ALDH9A1: variants seen among roughly 807,000 people sequenced by gnomAD.
The protein encoded by ALDH9A1 is aldehyde dehydrogenase 9 family member A1.
Under a neutral mutation model 56.6 loss-of-function variants are expected in ALDH9A1, and 42 were observed. That is an observed-to-expected ratio of 0.74 (90% confidence interval 0.58 to 0.96). The LOEUF (loss-of-function observed/expected upper bound fraction) is 0.96, where lower values mean the gene tolerates loss of function less well. ALDH9A1 is among the 40% of genes least tolerant of loss of function. ALDH9A1 has a pLI of 0.00. For synonymous variants in ALDH9A1, 242 were observed against 236.0 expected (o/e 1.03, Z -0.23); for missense variants, 661 against 651.5 (o/e 1.01, Z -0.16).
chr1:165,670,587 A>G (rs1248232727), intron 6 of ALDH9A1, among the ~76,000 whole-genome samples: 4 of 152,204 alleles, frequency 2.6e-5, no homozygotes, highest in African/African-American at 7.2e-5. Context: ...CAAATACCTT[A>G]AACTAAGCCA....
intron 4 of ALDH9A1, among the ~76,000 whole-genome samples, chr1:165,681,076 C>T (rs1428933777): frequency 6.6e-6 from 1 of 152,180 alleles, no homozygotes; most frequent in Non-Finnish European, 1.5e-5. Flanking sequence ...GACCAGCCCC[C>T]ATGATTCAAT....
chr1:165,684,950 C>T (rs1649661093), intron 2 of ALDH9A1, among the ~76,000 whole-genome samples: 1 of 151,716 alleles, frequency 6.6e-6, no homozygotes, highest in Admixed American at 6.6e-5. Context: ...AATTAGATGG[C>T]CTTGGGAAAT....
At chr1:165,684,029 A>G (rs1159999395) in intron 2 of ALDH9A1, among the ~76,000 whole-genome samples, 1 of 152,250 alleles carries the variant, frequency 6.6e-6, no homozygotes, top group Non-Finnish European at 1.5e-5. Context: ...GGCTGGCCAG[A>G]AGCAAAATGG....
chr1:165,667,929 C>G (rs1649057545), intron 8 of ALDH9A1, among the ~76,000 whole-genome samples: 2 of 152,046 alleles, frequency 1.3e-5, no homozygotes, highest in Non-Finnish European at 2.9e-5. Flanking sequence ...ACAAAACTAT[C>G]AACATTTTTG....
intron 6 of ALDH9A1, chr1:165,671,600 G>C: frequency 2.1e-6 from 1 of 469,994 alleles, no homozygotes; most frequent in South Asian, 1.6e-5. Flanking sequence ...GAGAAAGGAT[G>C]AGGATGCTAA....
At chr1:165,694,059 C>CT (rs1439538995) in intron 2 of ALDH9A1, among the ~76,000 whole-genome samples, 79 of 29,552 alleles carry the variant, frequency 2.7e-3, no homozygotes, top group African/African-American at 0.011. Context: ...ACACCGGGGC[C>CT]GTAGGGGGTG....
intron 2 of ALDH9A1, among the ~76,000 whole-genome samples, chr1:165,689,246 C>G (rs1649806138): frequency 6.6e-6 from 1 of 152,122 alleles, no homozygotes; most frequent in Non-Finnish European, 1.5e-5. Context: ...TCTGCATGGT[C>G]AGGGCTTTCC....
Position 165,662,333 on chromosome 1 carries a change from A to C in ALDH9A1, c.*717T>G, listed in dbSNP as rs1648867034. On this transcript the variant is annotated 3_prime_UTR_variant, in exon 11 of 11. Transcript: ENST00000354775. The stretch of plus-strand genomic sequence containing the variant: ...ACAGCAGGCTGTAGTTCAAGGACCC[A>C]AGATAGGGAGATAGATTTCCTCTAT... The C allele has an allele frequency of 6.6e-6, 1 of 152,282 alleles. No homozygotes were observed. The allele number at this position is 152,282 out of a possible 1,614,324, so 9.4% of individuals were successfully genotyped here.
intron 2 of ALDH9A1, among the ~76,000 whole-genome samples, chr1:165,685,940 G>A (rs1343814474): frequency 6.6e-6 from 1 of 152,120 alleles, no homozygotes; most frequent in African/African-American, 2.4e-5. Flanking sequence ...TAATCCAAAT[G>A]ATAGCTACTT....
In ALDH9A1 at chr1:165,669,465, C is replaced by T. The variant is rs1649108987; in HGVS notation, c.931-15G>A. The T allele has an allele frequency of 6.3e-7, 1 of 1,588,660 alleles. No homozygotes were observed. ...TTACAGCAAACCTAAAGGACAAACA[C>T]AAGACATCAATTTCTATGTGTGTAA... is the stretch of plus-strand genomic sequence containing the variant. On this transcript the variant is annotated splice_polypyrimidine_tract_variant and intron_variant, in intron 6 of 10. Coordinates refer to ENST00000354775, the MANE Select transcript of ALDH9A1 (RefSeq NM_000696.4).
chr1:165,672,395 C>T (rs575333968), intron 6 of ALDH9A1, among the ~76,000 whole-genome samples: 10 of 152,048 alleles, frequency 6.6e-5, no homozygotes, highest in South Asian at 6.2e-4. Flanking sequence ...CTAAGTGAAA[C>T]GAGCCAGACA....
chr1:165,664,254 A>C (rs1478151937), intron 10 of ALDH9A1, among the ~76,000 whole-genome samples: 1 of 152,072 alleles, frequency 6.6e-6, no homozygotes, highest in African/African-American at 2.4e-5. Flanking sequence ...TAGAGGTCAG[A>C]CTCTTAGAAT....
Position 165,667,396 on chromosome 1 carries a change from A to T in ALDH9A1, c.1262T>A (p.Met421Lys). Residue 421 changes from methionine to lysine, a missense_variant, in exon 9 of 11, where the codon ATG becomes AAG. Physicochemically the swap from Met to Lys is moderately conservative, Grantham distance 95. Coordinates refer to ENST00000354775, the MANE Select transcript of ALDH9A1 (RefSeq NM_000696.4). The part of the protein sequence containing the change: ...CVKEEIFGPV[M>K]SILSFDTEAE... ...TTCAGTGTCAAATGATAAAATGGAC[A>T]TAACAGGCCCAAAGATCTCTTCCTT... The T allele has an allele frequency of 6.2e-7, 1 of 1,614,170 alleles. No homozygotes were observed. Among genetic ancestry groups the T allele is most frequent in the Non-Finnish European group, 8.5e-7 (1 of 1,180,004 alleles).
intron 2 of ALDH9A1, among the ~76,000 whole-genome samples, chr1:165,685,882 A>C (rs931147055): frequency 3.9e-5 from 6 of 152,142 alleles, no homozygotes; most frequent in African/African-American, 1.4e-4. Context: ...TCTCTTCTTT[A>C]TTTAGATAGT....
intron 6 of ALDH9A1, among the ~76,000 whole-genome samples, chr1:165,678,514 G>T (rs1649441204): frequency 6.6e-6 from 1 of 152,096 alleles, no homozygotes; most frequent in African/African-American, 2.4e-5. Flanking sequence ...AAATATAGAA[G>T]AAATGATGGA....
intron 2 of ALDH9A1, among the ~76,000 whole-genome samples, chr1:165,689,839 CAGG>C (rs1034810063): frequency 6.6e-6 from 1 of 151,658 alleles, no homozygotes; most frequent in African/African-American, 2.4e-5. Flanking sequence ...GAGTCTGAGG[CAGG>C]AGAATCGCTT....
intron 3 of ALDH9A1, 147 bp from the exon 4 acceptor site, chr1:165,682,388 A>G (rs1649579842): frequency 1.1e-6 from 1 of 882,274 alleles, no homozygotes; most frequent in Non-Finnish European, 1.7e-6. Context: ...CCATTCTTCT[A>G]TTTGTTCCAG....
intron 8 of ALDH9A1, among the ~76,000 whole-genome samples, chr1:165,668,007 A>C (rs1418898730): frequency 6.6e-6 from 1 of 152,154 alleles, no homozygotes; most frequent in Non-Finnish European, 1.5e-5. Context: ...CAACACTGAG[A>C]ATAGTAGTTA....
rs1212571000 is a variant in ALDH9A1 at position 165,682,070 on chromosome 1, C to T, written c.592+37G>A. On this transcript the variant is annotated intron_variant, in intron 4 of 10. Coordinates refer to ENST00000354775, the MANE Select transcript of ALDH9A1 (RefSeq NM_000696.4). ...GGGAGAGAACGAACGAGAGAATGAA[C>T]GAATGGCTCTCAAATGGAGGGATAA... 1.3e-5 allele frequency: 21 copies of T among 1,610,118 alleles called. No homozygotes were observed. In the Middle Eastern group the frequency reaches 6.6e-4, roughly 51 times the overall value.
Sources: gnomAD v4.1 joint callset for allele counts (sites outside exome capture counted in the v4.1 genomes callset) on GRCh38, gnomAD v4.1.1 for gene constraint, MANE v1.5 for transcripts, NCBI Gene and HGNC (gene_info 2026-07-23, HGNC 2026-07-21) for gene names.